The following SPMIP4 variants were observed in gnomAD, a reference collection of about 807,000 sequenced individuals.
SPMIP4 encodes the protein sperm microtubule inner protein 4, also known as sperm-associated microtubule inner protein 4.
the SPMIP4 span, among the ~76,000 whole-genome samples, chr7:25,160,734 G>A: frequency 1.3e-5 from 2 of 152,154 alleles, no homozygotes; most frequent in African/African-American, 2.4e-5. Flanking sequence ...TATGCCTTAC[G>A]TTAAAAATAA....
chr7:25,170,298 G>T, the SPMIP4 span, among the ~76,000 whole-genome samples: 3 of 152,184 alleles, frequency 2.0e-5, no homozygotes, highest in African/African-American at 7.2e-5. Context: ...AATGACTAAT[G>T]ATGTTGAGCA....
chr7:25,173,974 T>C, the SPMIP4 span, among the ~76,000 whole-genome samples: 2 of 152,196 alleles, frequency 1.3e-5, no homozygotes, highest in Non-Finnish European at 2.9e-5. The surrounding 1 kb of genome is among the most constrained non-coding windows in gnomAD (Gnocchi z 4.4). Flanking sequence ...CACAGAATTG[T>C]AGAGAAGGAA....
At chr7:25,179,196 C>G in the SPMIP4 span, 4 of 1,609,084 alleles carry the variant, frequency 2.5e-6, no homozygotes, top group African/African-American at 4.0e-5. Flanking sequence ...GGCAGTTGGG[C>G]GAGTAACCGT....
chr7:25,155,066 G>C, the SPMIP4 span: 1,515 of 1,614,096 alleles, frequency 9.4e-4, 1 homozygote, highest in Non-Finnish European at 1.2e-3. Context: ...TGGGAGGAAA[G>C]GGCTGCTGGG....
At chr7:25,134,455 A>G in the SPMIP4 span, among the ~76,000 whole-genome samples, 1 of 152,164 alleles carries the variant, frequency 6.6e-6, no homozygotes, top group Non-Finnish European at 1.5e-5. Context: ...AAATAAGGGC[A>G]GATTCATTAG....
the SPMIP4 span, chr7:25,154,996 C>T: frequency 6.2e-7 from 1 of 1,600,738 alleles, no homozygotes; most frequent in African/African-American, 1.3e-5. Flanking sequence ...GTTCTGATTC[C>T]AGGTCACATT....
chr7:25,133,111 T>C, the SPMIP4 span, among the ~76,000 whole-genome samples: 1 of 152,246 alleles, frequency 6.6e-6, no homozygotes, highest in Non-Finnish European at 1.5e-5. Flanking sequence ...AGTATATTAT[T>C]GTCTGTACTT....
chr7:25,127,715 G>T, the SPMIP4 span, among the ~76,000 whole-genome samples: 3 of 152,194 alleles, frequency 2.0e-5, no homozygotes, highest in African/African-American at 7.2e-5. Flanking sequence ...GTTTGGTGAG[G>T]TCGTGTTTAC....
At chr7:25,158,854 C>CAAA in the SPMIP4 span, among the ~76,000 whole-genome samples, 1,004 of 131,712 alleles carry the variant, frequency 7.6e-3, 12 homozygotes, top group African/African-American at 0.028. Flanking sequence ...AAGTCTGTCT[C>CAAA]AAAAAAAAAA....
the SPMIP4 span, among the ~76,000 whole-genome samples, chr7:25,171,179 T>C: frequency 2.0e-5 from 3 of 152,220 alleles, no homozygotes; most frequent in East Asian, 5.8e-4. Flanking sequence ...TGCAGTGGAC[T>C]GGCGGTTTCC....
the SPMIP4 span, chr7:25,168,501 A>ACATAACAGATGCATAAAATTG: frequency 3.9e-6 from 6 of 1,522,554 alleles, no homozygotes; most frequent in South Asian, 6.3e-5. Context: ...AGCCTCAGCA[A>ACATAACAGATGCATAAAATTG]CATAACAGAT....
the SPMIP4 span, among the ~76,000 whole-genome samples, chr7:25,156,064 C>T: frequency 2.2e-4 from 33 of 152,288 alleles, no homozygotes; most frequent in Middle Eastern, 0.01. Context: ...TTAGTTAAGA[C>T]CGAGTTATTC....
At chr7:25,156,405 T>C in the SPMIP4 span, among the ~76,000 whole-genome samples, 3 of 152,206 alleles carry the variant, frequency 2.0e-5, no homozygotes, top group Non-Finnish European at 1.5e-5. Flanking sequence ...AAAAGGACTT[T>C]ACTTTTCAAA....
chr7:25,175,706 C>G, the SPMIP4 span, among the ~76,000 whole-genome samples: 1 of 152,100 alleles, frequency 6.6e-6, no homozygotes, highest in African/African-American at 2.4e-5. Context: ...CCTGAAAAAC[C>G]AGGGGCTTTC....
the SPMIP4 span, among the ~76,000 whole-genome samples, chr7:25,141,665 T>G: frequency 2.0e-5 from 3 of 151,968 alleles, no homozygotes; most frequent in African/African-American, 7.3e-5. Flanking sequence ...AAACTGCTTC[T>G]TTTGTAAGTT....
At chr7:25,133,221 T>C in the SPMIP4 span, among the ~76,000 whole-genome samples, 1 of 152,170 alleles carries the variant, frequency 6.6e-6, no homozygotes, top group African/African-American at 2.4e-5. Context: ...TTCTGTATGT[T>C]TTGTGCATTT....
At chr7:25,130,496 T>G in the SPMIP4 span, among the ~76,000 whole-genome samples, 1 of 151,964 alleles carries the variant, frequency 6.6e-6, no homozygotes, top group Non-Finnish European at 1.5e-5. Context: ...GTATTTCTAG[T>G]AGAAACAGGG....
chr7:25,163,667 C>T, the SPMIP4 span, among the ~76,000 whole-genome samples: 1 of 152,172 alleles, frequency 6.6e-6, no homozygotes, highest in Non-Finnish European at 1.5e-5. This position sits in a 1 kb window ranked among gnomAD's most constrained non-coding sequence, Gnocchi z 4.4. Context: ...AGTTTGCCAT[C>T]AGAAGTGACC....
the SPMIP4 span, among the ~76,000 whole-genome samples, chr7:25,147,970 T>C: frequency 1.3e-5 from 2 of 152,228 alleles, no homozygotes; most frequent in Admixed American, 1.3e-4. Context: ...CTTATTGGCT[T>C]GGAGGGAAAG....
Sources: allele counts gnomAD v4.1 joint callset (sites outside exome capture counted in the v4.1 genomes callset), GRCh38; gene constraint gnomAD v4.1.1; non-coding constraint Gnocchi (gnomAD v3.1); transcripts MANE v1.5; gene names NCBI Gene and HGNC (gene_info 2026-07-23, HGNC 2026-07-21).